HIRA: variants seen among roughly 807,000 people sequenced by gnomAD.
HIRA encodes the protein protein HIRA.
In HIRA, 13 loss-of-function variants were observed where a neutral mutation model predicts 126.6. That is an observed-to-expected ratio of 0.10 (90% CI 0.07 to 0.16). The LOEUF (loss-of-function observed/expected upper bound fraction) is 0.16. HIRA is among the 10% of genes least tolerant of loss of function. The pLI is 1.00. For missense variants in HIRA, 834 were observed against 1,314.4 expected (o/e 0.63, Z 5.65); for synonymous variants, 511 against 520.0 (o/e 0.98, Z 0.24).
chr22:19,341,136 C>T (rs191405915), intron 24 of HIRA, among the ~76,000 whole-genome samples: 25 of 150,688 alleles, frequency 1.7e-4, no homozygotes, highest in African/African-American at 6.1e-4. Context: ...GGCAACATGG[C>T]GAAACTCTGT....
intron 5 of HIRA, among the ~76,000 whole-genome samples, chr22:19,403,583 G>C: frequency 6.6e-6 from 1 of 152,192 alleles, no homozygotes; most frequent in South Asian, 2.1e-4. Context: ...CTGCAGTCCA[G>C]CCTGGGCAAC....
chr22:19,378,256 T>A (rs1007375348), intron 13 of HIRA, among the ~76,000 whole-genome samples, 190 bp from the exon 14 acceptor site: 2 of 152,258 alleles, frequency 1.3e-5, no homozygotes, highest in African/African-American at 4.8e-5. Context: ...ATCTAGGATT[T>A]ACAGGTTCTA....
At chr22:19,363,984 C>G (rs899113888) in intron 15 of HIRA, among the ~76,000 whole-genome samples, 32 of 152,096 alleles carry the variant, frequency 2.1e-4, no homozygotes, top group African/African-American at 7.5e-4. Context: ...GTAAAACGTA[C>G]AACATCAAGA....
chr22:19,386,236 G>A (rs541140527), intron 11 of HIRA, among the ~76,000 whole-genome samples: 3 of 152,292 alleles, frequency 2.0e-5, no homozygotes, highest in Admixed American at 6.5e-5. Flanking sequence ...GCCTGGCACA[G>A]CAGGGCTGGG....
chr22:19,385,289 A>G (rs796118149), intron 12 of HIRA, among the ~76,000 whole-genome samples: 2 of 152,342 alleles, frequency 1.3e-5, no homozygotes, highest in African/African-American at 4.8e-5. Context: ...TTCTTACAAG[A>G]GATGACCTCC....
rs568046100 is a variant in HIRA at position 19,357,047 on chromosome 22, C to T, written c.2239G>A (p.Val747Met). The T allele has an allele frequency of 8.7e-6, 14 of 1,613,988 alleles. No homozygotes were observed. The highest frequency in any genetic ancestry group is 4.5e-5 in the East Asian group (2 of 44,886). The change falls in exon 19 of 25, where the codon GTG (valine) becomes ATG (methionine). Residue 747 changes from valine to methionine, a missense_variant. This residue lies in a region of HIRA where 468 missense variants were observed against 574.2 expected (regional missense o/e 0.82). Coordinates refer to ENST00000263208, the MANE Select transcript of HIRA (RefSeq NM_003325.4). ...RILTAAGSCD[V>M]VCVACEKRML... The stretch of plus-strand genomic sequence containing the variant: ...CTTTTTTCACAGGCGACACACACCA[C>T]GTCACTGAGAAGGCAGAGTGGGGGC...
chr22:19,398,121 T>G, intron 5 of HIRA, 34 bp from the exon 6 acceptor site: 56 of 1,504,434 alleles, frequency 3.7e-5, no homozygotes, highest in Non-Finnish European at 4.7e-5. Flanking sequence ...GTGAGATCTC[T>G]TACCTGGTGA....
chr22:19,410,000 A>C (rs773765386), intron 2 of HIRA, among the ~76,000 whole-genome samples: 6 of 152,224 alleles, frequency 3.9e-5, no homozygotes, highest in Non-Finnish European at 8.8e-5. Flanking sequence ...CCTAGAGCTC[A>C]CAAAGGCACT....
intron 18 of HIRA, among the ~76,000 whole-genome samples, chr22:19,358,320 A>C (rs1404324685): frequency 6.6e-6 from 1 of 152,202 alleles, no homozygotes; most frequent in African/African-American, 2.4e-5. Flanking sequence ...ACTGGGGAAC[A>C]GGTCTGCAGG....
chr22:19,410,855 G>C (rs2089346784), intron 1 of HIRA, 77 bp from the exon 2 acceptor site: 10 of 1,166,464 alleles, frequency 8.6e-6, no homozygotes, highest in Admixed American at 3.6e-5. Flanking sequence ...AACAGATTCA[G>C]TTAAAGTCTA....
chr22:19,374,492 C>T (rs575718804), intron 15 of HIRA, among the ~76,000 whole-genome samples: 1 of 152,278 alleles, frequency 6.6e-6, no homozygotes, highest in East Asian at 1.9e-4. Flanking sequence ...GATTAGATTA[C>T]AGAGCAGACT....
intron 15 of HIRA, among the ~76,000 whole-genome samples, chr22:19,368,414 C>T (rs955499767): frequency 3.5e-4 from 53 of 151,632 alleles, no homozygotes; most frequent in African/African-American, 1.3e-3. Context: ...CAGTGCTCCT[C>T]AAAATCCTTT....
intron 15 of HIRA, among the ~76,000 whole-genome samples, chr22:19,374,728 G>C (rs570961518): frequency 6.8e-4 from 103 of 152,204 alleles, no homozygotes; most frequent in Non-Finnish European, 1.1e-3. Flanking sequence ...CCTTTCATTG[G>C]GCACCTGCTG....
At chr22:19,356,849 G>A in intron 19 of HIRA, 41 bp downstream of exon 19, 2 of 1,602,472 alleles carry the variant, frequency 1.2e-6, no homozygotes, top group East Asian at 2.2e-5. Context: ...GCCCTGTCCT[G>A]CCCTGGCTGA....
intron 24 of HIRA, among the ~76,000 whole-genome samples, chr22:19,336,843 T>G (rs2088572383): frequency 6.6e-6 from 1 of 152,250 alleles, no homozygotes; most frequent in South Asian, 2.1e-4. Context: ...GAAGGGGAAG[T>G]GCACCAAATC....
At chr22:19,372,681 CTT>C (rs1773076878) in intron 15 of HIRA, among the ~76,000 whole-genome samples, 1 of 150,744 alleles carries the variant, frequency 6.6e-6, no homozygotes, top group Non-Finnish European at 1.5e-5. Context: ...AAGTGATTCT[CTT>C]GTCTCAGCCT....
At chr22:19,407,879 T>C (rs986314603) in intron 3 of HIRA, among the ~76,000 whole-genome samples, 7 of 152,168 alleles carry the variant, frequency 4.6e-5, no homozygotes, top group African/African-American at 1.7e-4. Flanking sequence ...AACTTGGCCT[T>C]TGGAAGACCT....
chr22:19,374,178 C>T (rs1250436020), intron 15 of HIRA, among the ~76,000 whole-genome samples: 1 of 150,734 alleles, frequency 6.6e-6, no homozygotes, highest in Non-Finnish European at 1.5e-5. Flanking sequence ...ACTAAAATTA[C>T]CAAAAATTAG....
At chr22:19,345,827 G>A (rs1262397188) in intron 24 of HIRA, among the ~76,000 whole-genome samples, 2 of 152,174 alleles carry the variant, frequency 1.3e-5, no homozygotes, top group Admixed American at 1.3e-4. Flanking sequence ...CCTGAAAGGT[G>A]TTTGCTTAGT....
Sources: gnomAD v4.1 joint callset for allele counts (sites outside exome capture counted in the v4.1 genomes callset) on GRCh38, gnomAD v4.1.1 for gene constraint, gnomAD v4.1.1 regional missense constraint, MANE v1.5 for transcripts, NCBI Gene and HGNC (gene_info 2026-07-23, HGNC 2026-07-21) for gene names.